Variants in PALS1 observed in about 807,000 individuals in gnomAD.
PALS1 encodes protein PALS1.
PALS1 carries 31 observed loss-of-function variants against 78.9 expected under a neutral mutation model. The ratio of observed to expected loss-of-function variants is 0.39; its 90% confidence interval spans 0.30 to 0.53. The LOEUF (loss-of-function observed/expected upper bound fraction) is 0.53, where lower values mean the gene tolerates loss of function less well. Among genes scored for constraint, PALS1 ranks in the 20% least tolerant of loss-of-function variants. The pLI, the probability that PALS1 is intolerant of heterozygous loss-of-function variation, is 0.67. For synonymous variants in PALS1, 276 were observed against 270.9 expected (o/e 1.02, Z -0.18); for missense variants, 704 against 826.5 (o/e 0.85, Z 1.82).
At chr14:67,293,806 A>T (rs747128177) in intron 4 of PALS1, among the ~76,000 whole-genome samples, 2 of 152,164 alleles carry the variant, frequency 1.3e-5, no homozygotes, top group African/African-American at 2.4e-5. Flanking sequence ...AATCATTATA[A>T]TCATTCCTGT....
At chr14:67,327,883 T>G (rs8019398) in intron 14 of PALS1, among the ~76,000 whole-genome samples, 23,549 of 152,160 alleles carry the variant, frequency 0.15, 3,441 homozygotes, top group East Asian at 0.42. Flanking sequence ...TAATCCAGTC[T>G]ATCATTGATT....
chr14:67,319,860 CCTT>C (rs1019907109), intron 11 of PALS1, among the ~76,000 whole-genome samples: 2 of 152,174 alleles, frequency 1.3e-5, no homozygotes, highest in South Asian at 2.1e-4. Context: ...CTTAAAACAA[CCTT>C]CTTAAGTAGA....
At chr14:67,277,360 T>C (rs1595578618) in intron 2 of PALS1, among the ~76,000 whole-genome samples, 1 of 152,296 alleles carries the variant, frequency 6.6e-6, no homozygotes, top group East Asian at 1.9e-4. Flanking sequence ...ATTTTCCTGA[T>C]TGTTGGACTA....
chr14:67,275,293 C>T (rs2140636332), intron 2 of PALS1, among the ~76,000 whole-genome samples: 1 of 152,260 alleles, frequency 6.6e-6, no homozygotes, highest in South Asian at 2.1e-4. Context: ...AGATACATTC[C>T]ATCAATACCT....
chr14:67,266,514 C>T (rs566905600), intron 1 of PALS1, among the ~76,000 whole-genome samples: 2 of 152,102 alleles, frequency 1.3e-5, no homozygotes, highest in East Asian at 3.9e-4. Context: ...TTAGTAGAGA[C>T]AGGGTTTCAC....
At chr14:67,323,834 A>G (rs1221876566) in intron 14 of PALS1, 22 bp downstream of exon 14, 2 of 1,245,618 alleles carry the variant, frequency 1.6e-6, no homozygotes, top group Admixed American at 4.1e-5. Context: ...ACACTATTGT[A>G]CTATTCCATT....
At chr14:67,305,622 G>T (rs948032402) in intron 8 of PALS1, among the ~76,000 whole-genome samples, 1 of 152,164 alleles carries the variant, frequency 6.6e-6, no homozygotes, top group Non-Finnish European at 1.5e-5. Context: ...TATTCATGCA[G>T]AATCTGGAAT....
chr14:67,251,563 T>G (rs899959716), intron 1 of PALS1, among the ~76,000 whole-genome samples: 1 of 150,320 alleles, frequency 6.7e-6, no homozygotes, highest in Non-Finnish European at 1.5e-5. Flanking sequence ...TGAATTAAAG[T>G]GAAGAACTTT....
At chr14:67,284,537 G>A (rs2084650963) in intron 3 of PALS1, among the ~76,000 whole-genome samples, 1 of 106,112 alleles carries the variant, frequency 9.4e-6, no homozygotes, top group Non-Finnish European at 1.8e-5. Context: ...GGAGATCGAG[G>A]CTGCAGTGCT....
chr14:67,315,998 T>TA (rs1285395914), intron 9 of PALS1, among the ~76,000 whole-genome samples: 1 of 152,234 alleles, frequency 6.6e-6, no homozygotes, highest in African/African-American at 2.4e-5. Context: ...TTAGTACACT[T>TA]ACGAAATGCA....
At chr14:67,293,221 CTT>C (rs1446638295) in intron 4 of PALS1, among the ~76,000 whole-genome samples, 5 of 151,986 alleles carry the variant, frequency 3.3e-5, no homozygotes, top group African/African-American at 7.2e-5. Context: ...AACATGATGA[CTT>C]AAATTCTTGT....
At chr14:67,315,871 G>A (rs1436781829) in intron 9 of PALS1, among the ~76,000 whole-genome samples, 1 of 152,230 alleles carries the variant, frequency 6.6e-6, no homozygotes, top group Non-Finnish European at 1.5e-5. Context: ...GTTGCGGTGA[G>A]CCAAGATTGC....
chr14:67,304,406 A>G (rs928373577), intron 8 of PALS1, among the ~76,000 whole-genome samples: 3 of 152,230 alleles, frequency 2.0e-5, no homozygotes, highest in Admixed American at 6.5e-5. Flanking sequence ...AATGTCTGTC[A>G]GGTGATGAAT....
At chr14:67,300,755 G>A (rs2084920447) in intron 4 of PALS1, among the ~76,000 whole-genome samples, 1 of 152,080 alleles carries the variant, frequency 6.6e-6, no homozygotes, top group Admixed American at 6.6e-5. Flanking sequence ...AAGATTTCTC[G>A]ACTGTGGGAA....
In PALS1 at chr14:67,335,985, GC is replaced by G. The variant is rs1341435005; in HGVS notation, c.*3030del. ...TACAGAGGGATAGTGCCCCCTGTTG[GC>G]ACAGGTATAGGTAGGTCCTGTTTCC... On this transcript the variant is annotated 3_prime_UTR_variant, in exon 15 of 15. Coordinates refer to ENST00000261681, the MANE Select transcript of PALS1 (RefSeq NM_022474.4). 6.6e-6 allele frequency among the ~76,000 whole-genome samples: 1 copy of G among 152,076 alleles called. No individual in the cohort carries two copies. Among genetic ancestry groups the G allele is most frequent in the Non-Finnish European group, 1.5e-5 (1 of 68,024 alleles).
intron 8 of PALS1, among the ~76,000 whole-genome samples, chr14:67,307,709 C>CT (rs1417802632): frequency 6.6e-6 from 1 of 152,112 alleles, no homozygotes; most frequent in Non-Finnish European, 1.5e-5. Flanking sequence ...CCTTGACTCA[C>CT]TTTCACTATT....
intron 14 of PALS1, among the ~76,000 whole-genome samples, chr14:67,330,152 A>AT (rs1426992648): frequency 2.8e-4 from 29 of 102,330 alleles, no homozygotes; most frequent in African/African-American, 6.4e-4. Context: ...AATAATAATA[A>AT]TAATTATTAT....
At chr14:67,258,635 C>T (rs1163291973) in intron 1 of PALS1, among the ~76,000 whole-genome samples, 2 of 152,184 alleles carry the variant, frequency 1.3e-5, no homozygotes, top group East Asian at 1.9e-4. Context: ...TTGCCCAGGC[C>T]GGTCTTGAAC....
At chr14:67,313,481 G>A (rs757282494) in intron 9 of PALS1, among the ~76,000 whole-genome samples, 3 of 152,134 alleles carry the variant, frequency 2.0e-5, no homozygotes, top group Non-Finnish European at 4.4e-5. Flanking sequence ...GTTATGCAGT[G>A]CATGACTGTA....
Sources: gnomAD v4.1 joint callset for allele counts (sites outside exome capture counted in the v4.1 genomes callset) on GRCh38, gnomAD v4.1.1 for gene constraint, MANE v1.5 for transcripts, NCBI Gene and HGNC (gene_info 2026-07-23, HGNC 2026-07-21) for gene names.